Variants in NOX4 observed in about 807,000 individuals in gnomAD.
NOX4 encodes kidney oxidase-1.
Under a neutral mutation model 87.6 loss-of-function variants are expected in NOX4, and 69 were observed. The observed-to-expected ratio is 0.79, with a 90% CI of 0.65 to 0.96. The LOEUF (loss-of-function observed/expected upper bound fraction) is 0.96. Ranked by LOEUF, NOX4 falls within the 40% of genes least tolerant of loss-of-function variation. The pLI is 0.00. For missense variants in NOX4, 680 were observed against 681.5 expected (o/e 1.00, Z 0.02); for synonymous variants, 275 against 238.2 (o/e 1.15, Z -1.42).
chr11:89,581,609 T>C, the NOX4 span, among the ~76,000 whole-genome samples: 1 of 152,166 alleles, frequency 6.6e-6, no homozygotes, highest in African/African-American at 2.4e-5. Flanking sequence ...CTGGTGTTGA[T>C]AGGGAAGGGA....
At chr11:89,418,016 A>C (rs1942874555) in intron 8 of NOX4, among the ~76,000 whole-genome samples, 1 of 152,106 alleles carries the variant, frequency 6.6e-6, no homozygotes, top group Non-Finnish European at 1.5e-5. Flanking sequence ...TTTAGTGTAC[A>C]TGAAATGTCA....
At chr11:89,479,630 G>A (rs2135466267) in intron 2 of NOX4, among the ~76,000 whole-genome samples, 1 of 152,228 alleles carries the variant, frequency 6.6e-6, no homozygotes, top group Non-Finnish European at 1.5e-5. Flanking sequence ...CCATATCCAT[G>A]AAAACCTTTG....
the NOX4 span, among the ~76,000 whole-genome samples, chr11:89,515,879 T>C: frequency 1.3e-4 from 20 of 151,960 alleles, no homozygotes; most frequent in African/African-American, 4.3e-4. Context: ...TGCAAAAAAA[T>C]TACCTGAAAA....
intron 13 of NOX4, among the ~76,000 whole-genome samples, chr11:89,342,575 A>G (rs1946052180): frequency 6.6e-6 from 1 of 152,074 alleles, no homozygotes; most frequent in Non-Finnish European, 1.5e-5. Flanking sequence ...CTGTGTCTAA[A>G]TTCAATAAAC....
In NOX4 at chr11:89,451,982, T is replaced by A. The variant is rs373435344; in HGVS notation, c.154-87A>T. 1.8e-3 allele frequency: 1,486 copies of A among 835,626 alleles called. 13 individuals carry two copies. Among genetic ancestry groups the A allele is most frequent in the South Asian group, 9.0e-3 (624 of 69,086 alleles). 51.8% of individuals were successfully genotyped at this position (835,626 alleles called of 1,614,324 possible). ...CTAGAAGCTAGAGGTCTCACCCTAT[T>A]GCTCTTTTAAGAATCATGCCAAATA... On this transcript the variant is annotated intron_variant, in intron 2 of 17. Transcript: ENST00000263317.
chr11:89,480,218 A>G (rs1946335283), intron 2 of NOX4, among the ~76,000 whole-genome samples: 1 of 152,122 alleles, frequency 6.6e-6, no homozygotes, highest in South Asian at 2.1e-4. Flanking sequence ...GGTAAAGCAT[A>G]TTGCATGCTA....
At chr11:89,457,374 T>C (rs1290465728) in intron 2 of NOX4, among the ~76,000 whole-genome samples, 2 of 152,164 alleles carry the variant, frequency 1.3e-5, no homozygotes, top group Non-Finnish European at 2.9e-5. Context: ...GCCACTGCCA[T>C]AGGCATGAGC....
chr11:89,425,494 C>A (rs749645964), intron 7 of NOX4, among the ~76,000 whole-genome samples: 11 of 150,494 alleles, frequency 7.3e-5, no homozygotes, highest in Non-Finnish European at 1.6e-4. Flanking sequence ...ACCTATATTG[C>A]GATGTGCTGT....
chr11:89,506,902 A>C, the NOX4 span, among the ~76,000 whole-genome samples: 32 of 151,932 alleles, frequency 2.1e-4, no homozygotes, highest in African/African-American at 7.7e-4. Flanking sequence ...GGCTAAGATT[A>C]AAAAGGCTTT....
At chr11:89,374,614 A>C (rs761915654) in intron 11 of NOX4, among the ~76,000 whole-genome samples, 3 of 152,210 alleles carry the variant, frequency 2.0e-5, no homozygotes, top group Non-Finnish European at 2.9e-5. Context: ...TAAAAAGACA[A>C]GACAAAATTT....
At chr11:89,493,426 G>A (rs1030087664), upstream of NOX4, among the ~76,000 whole-genome samples, 11 of 151,846 alleles carry the variant, frequency 7.2e-5, no homozygotes, top group African/African-American at 2.4e-4. Flanking sequence ...AGCTAAAAGA[G>A]ATGAAGAAAT....
chr11:89,573,693 T>C, the NOX4 span, among the ~76,000 whole-genome samples: 11 of 152,214 alleles, frequency 7.2e-5, no homozygotes, highest in Admixed American at 5.2e-4. Flanking sequence ...GAGTGGAAGT[T>C]TATTAAAAAG....
At chr11:89,329,382 A>G (rs1176388167) in intron 17 of NOX4, among the ~76,000 whole-genome samples, 1 of 148,032 alleles carries the variant, frequency 6.8e-6, no homozygotes, top group Non-Finnish European at 1.5e-5. Flanking sequence ...AAAAGAACAG[A>G]GCATAAGTGG....
At chr11:89,381,895 C>T (rs1293358074) in intron 11 of NOX4, among the ~76,000 whole-genome samples, 1 of 152,146 alleles carries the variant, frequency 6.6e-6, no homozygotes, top group Non-Finnish European at 1.5e-5. Context: ...CTTGGTGCCA[C>T]CCTTGGGTCT....
intron 11 of NOX4, among the ~76,000 whole-genome samples, chr11:89,389,124 ATG>A (rs1228120679): frequency 6.6e-6 from 1 of 152,166 alleles, no homozygotes; most frequent in Non-Finnish European, 1.5e-5. Flanking sequence ...GTCAGCAAAC[ATG>A]TGTGTGAGAT....
chr11:89,373,565 T>C (rs1939617848), intron 11 of NOX4, 73 bp from the exon 12 acceptor site: 2 of 969,512 alleles, frequency 2.1e-6, no homozygotes, highest in African/African-American at 1.6e-5. Context: ...TTACAACTTT[T>C]ATCCTGATAG....
chr11:89,352,171 A>G (rs1459396787), intron 13 of NOX4, among the ~76,000 whole-genome samples: 1 of 152,154 alleles, frequency 6.6e-6, no homozygotes, highest in Non-Finnish European at 1.5e-5. Flanking sequence ...AATGTATGTT[A>G]TTCTGGTGAT....
chr11:89,587,171 G>C, the NOX4 span, among the ~76,000 whole-genome samples: 10 of 152,054 alleles, frequency 6.6e-5, no homozygotes, highest in African/African-American at 2.2e-4. Flanking sequence ...ATGAATTCAA[G>C]ACAAATGCCA....
chr11:89,563,800 CT>C, the NOX4 span, among the ~76,000 whole-genome samples: 3 of 151,942 alleles, frequency 2.0e-5, no homozygotes, highest in Non-Finnish European at 2.9e-5. Flanking sequence ...CTTAACATTA[CT>C]TTTTTTAGTA....
Sources: gnomAD v4.1 joint callset for allele counts (sites outside exome capture counted in the v4.1 genomes callset) on GRCh38, gnomAD v4.1.1 for gene constraint, MANE v1.5 for transcripts, NCBI Gene and HGNC (gene_info 2026-07-23, HGNC 2026-07-21) for gene names.